The following CDHR5 variants were observed in gnomAD, a reference collection of about 807,000 sequenced individuals.
CDHR5 encodes the protein cadherin-related family member 5.
Under a neutral mutation model 69.5 loss-of-function variants are expected in CDHR5, and 82 were observed. The ratio of observed to expected loss-of-function variants is 1.18; its 90% CI spans 0.99 to 1.42. The LOEUF (loss-of-function observed/expected upper bound fraction) is 1.42. CDHR5 is among the 40% of genes most tolerant of loss of function. The probability of loss-of-function intolerance (pLI) is 0.00; values close to 1 mark genes in which losing one functional copy is unlikely to be tolerated. For missense variants in CDHR5, 1,293 were observed against 1,168.9 expected, an observed-to-expected ratio of 1.11 and a Z score of -1.55; for synonymous variants, 601 against 510.2, an observed-to-expected ratio of 1.18 and a Z score of -2.40.
chr11:623,845 G>A (rs1467217101), intron 3 of CDHR5, among the ~76,000 whole-genome samples: 2 of 152,074 alleles, frequency 1.3e-5, no homozygotes, highest in Non-Finnish European at 2.9e-5. Flanking sequence ...TTTCTGGGTC[G>A]AGCTGGGGCA....
In CDHR5 at chr11:617,023, C is replaced by T. The variant is rs768398033; in HGVS notation, c.*328G>A. 1.1e-5 allele frequency: 4 copies of T among 353,984 alleles called. No homozygotes were observed. The highest frequency in any genetic ancestry group is 4.7e-5 in the Admixed American group (1 of 21,198). The allele number at this position is 353,984 out of a possible 1,614,324, so 21.9% of individuals were successfully genotyped here. On this transcript the variant is annotated 3_prime_UTR_variant, in exon 15 of 15. Coordinates refer to ENST00000397542, the MANE Select transcript of CDHR5 (RefSeq NM_021924.5). ...CAGGTCGGGGGAGGGGAGCCCCCCT[C>T]GGGCTGTGGTTAGAGCGGGAGAGGA...
chr11:619,479 C>T lies in CDHR5; in HGVS notation c.1288G>A (p.Ala430Thr), dbSNP rs757912969. ...CCGCCTGCCCTGCCCCGCACCTCTG[C>T]GTAGAAGGCTCCCGCCTGTGCCAGT... ...TTLAQAGAFY[A>T]EVEAHNTVTS... Residue 430 changes from alanine (A) to threonine (T), a missense_variant, in exon 11 of 15, where the codon GCA becomes ACA. Transcript: ENST00000397542. 4.3e-6 allele frequency: 7 copies of T among 1,612,008 alleles called. No individual in the cohort carries two copies. The highest frequency in any genetic ancestry group is 2.2e-5 in the South Asian group (2 of 91,034).
chr11:624,618 G>C lies in CDHR5; in HGVS notation c.200C>G (p.Thr67Ser), dbSNP rs1382408754. 1 of 1,612,976 alleles carries C rather than the reference G, an allele frequency of 6.2e-7. No individual in the cohort carries two copies. The highest frequency in any genetic ancestry group is 2.2e-5 in the East Asian group (1 of 44,854). ...TCCCTGGATCCGAAATGCAAAGGGG[G>C]TGGACAAGGCTCCGAGGGTCACCTC... ...GQEVTLGALS[T>S]PFAFRIQGNQ... The change falls in exon 2 of 15, where the codon ACC becomes AGC. Residue 67 changes from threonine (T) to serine (S), a missense_variant. Physicochemically the swap from Thr to Ser is moderately conservative, Grantham distance 58 (BLOSUM62 1). Coordinates refer to ENST00000397542, the MANE Select transcript of CDHR5 (RefSeq NM_021924.5). This position sits in a 1 kb window ranked among gnomAD's most constrained non-coding sequence, Gnocchi z 5.3.
chr11:619,226 G>T, intron 12 of CDHR5, 46 bp from the exon 13 acceptor site: 1 of 1,468,230 alleles, frequency 6.8e-7, no homozygotes, highest in Non-Finnish European at 9.3e-7. Context: ...CCCGCCCCTT[G>T]CACACCTACC....
chr11:617,638 C>CG lies in CDHR5; in HGVS notation c.2250dup (p.Gly751ArgfsTer10), dbSNP rs779161504. The CG allele has an allele frequency of 3.8e-6, 6 of 1,565,436 alleles. No individual in the cohort carries two copies. Among genetic ancestry groups the CG allele is most frequent in the Non-Finnish European group, 5.2e-6 (6 of 1,157,592 alleles). On this transcript the variant is annotated frameshift_variant, in exon 15 of 15. Transcript: ENST00000397542. LOFTEE classifies it low-confidence loss of function (END_TRUNC). ...GGGGCACCGCCTGGGGAGGCAGGGC[C>CG]GGGGGGTGCGGGCTCTGCGGGCATC... is the stretch of plus-strand genomic sequence containing the variant.
At position 619,145 on chromosome 11, in the gene CDHR5, C is replaced by T; in HGVS notation, c.1414G>A (p.Gly472Arg). Reference sequence around the variant, plus strand: ...TCGGAAGTGGTGCTGGTCCAGGGCCCAGTTGTTCCTCCAGCCTCTGGGGAT... The same window carrying T: ...TCGGAAGTGGTGCTGGTCCAGGGCCTAGTTGTTCCTCCAGCCTCTGGGGAT... Reference protein sequence around the residue: ...PPSPEAGGTTGPWTSTTSEVP... With the variant: ...PPSPEAGGTTRPWTSTTSEVP... The change falls in exon 13 of 15, where the codon GGG becomes AGG. Residue 472 changes from glycine (G) to arginine (R), a missense_variant. Transcript: ENST00000397542. 2.5e-6 allele frequency: 4 copies of T among 1,571,588 alleles called. No homozygotes were observed. The highest frequency in any genetic ancestry group is 2.3e-5 in the South Asian group (2 of 86,802).
Position 624,871 on chromosome 11 carries a change from AG to A in CDHR5, c.31del (p.Leu11CysfsTer22). 1 of 1,577,818 alleles carries A rather than the reference AG, an allele frequency of 6.3e-7. No individual in the cohort carries two copies. The highest frequency in any genetic ancestry group is 1.1e-5 in the South Asian group (1 of 88,172). On this transcript the variant is annotated frameshift_variant, in exon 1 of 15. Coordinates refer to ENST00000397542, the MANE Select transcript of CDHR5 (RefSeq NM_021924.5). LOFTEE classifies it high-confidence loss of function. This position sits in a 1 kb window ranked among gnomAD's most constrained non-coding sequence, Gnocchi z 5.3. MGSWALLWPPLLFTGLLVRPP... is the reference protein window; with the variant it reads MGSWALLWPPXLFTGLLVRPP... ...TCGGACGAGCAGCCCGGTGAACAGC[AG>A]GGGAGGCCACAGCAGGGCCCAAGAC...
rs200682781 is a variant in CDHR5, at chr11:619,539, G to A, written c.1228C>T (p.Arg410Trp). The A allele has an allele frequency of 2.6e-5, 42 of 1,613,990 alleles. No homozygotes were observed. Among genetic ancestry groups the A allele is most frequent in the Middle Eastern group, 1.6e-4 (1 of 6,062 alleles). ...GTCAGCACAACCTCTCCCTCCATCC[G>A]GAAGTGTGAGTGGTTGGTAATTCGA... ...TYRITNHSHF[R>W]MEGEVVLTTT... The change falls in exon 11 of 15, where the codon CGG (arginine) becomes TGG (tryptophan). Residue 410 changes from arginine to tryptophan, a missense_variant. By Grantham distance (101) the Arg-to-Trp change is moderately radical. Transcript: ENST00000397542.
intron 3 of CDHR5, among the ~76,000 whole-genome samples, chr11:623,777 C>A (rs1277152135): frequency 5.3e-5 from 8 of 151,954 alleles, no homozygotes; most frequent in African/African-American, 1.9e-4. Context: ...CTGGAAGTTT[C>A]CCAAAATGAG....
chr11:618,064 C>T lies in CDHR5; in HGVS notation c.2008G>A (p.Ala670Thr). 6.2e-7 allele frequency: 1 copy of T among 1,610,514 alleles called. No individual in the cohort carries two copies. Among genetic ancestry groups the T allele is most frequent in the Non-Finnish European group, 8.5e-7 (1 of 1,178,972 alleles). The change falls in exon 14 of 15, where the codon GCC becomes ACC. Residue 670 changes from alanine (A) to threonine (T), a missense_variant. Ala to Thr is a moderately conservative substitution (Grantham distance 58, BLOSUM62 0). Coordinates refer to ENST00000397542, the MANE Select transcript of CDHR5 (RefSeq NM_021924.5). ...AGCGCACCCAGCACCCCGCCCAGGG[C>T]CGCCATATCCACCACCGAGAAGCGC... Reference protein sequence around the residue: ...DKRFSVVDMAALGGVLGALLL... With the variant: ...DKRFSVVDMATLGGVLGALLL...
chr11:619,654 AG>A (rs769576531), intron 10 of CDHR5, 26 bp downstream of exon 10: 5 of 1,611,574 alleles, frequency 3.1e-6, no homozygotes, highest in South Asian at 1.1e-5. Flanking sequence ...CCACCCACAG[AG>A]GGGAGGCCTT....
intron 3 of CDHR5, among the ~76,000 whole-genome samples, chr11:623,691 A>G (rs1857550178): frequency 6.6e-6 from 1 of 152,078 alleles, no homozygotes; most frequent in Non-Finnish European, 1.5e-5. Context: ...CTTGGTTTAC[A>G]ACATCCACAG....
rs757127495 is a variant in CDHR5, at chr11:620,342, G to A, written c.834C>T (p.Asp278=). The change falls in exon 8 of 15, where the codon GAC becomes GAT. Residue 278 remains aspartate (D), a synonymous_variant. Transcript: ENST00000397542. ...VLRPGPIYAE[D]GDRGINQPII... ...TGGGCTGGTTGATGCCGCGGTCTCC[G>A]TCCTCAGCGTAGATGGGTCCGGGAC... 19 of 1,612,644 alleles carry A rather than the reference G, an allele frequency of 1.2e-5. No individual in the cohort carries two copies. The highest frequency in any genetic ancestry group is 4.4e-5 in the South Asian group (4 of 90,894).
intron 9 of CDHR5, 89 bp downstream of exon 9, chr11:619,978 G>T (rs1270403535): frequency 3.6e-6 from 5 of 1,388,610 alleles, no homozygotes; most frequent in Middle Eastern, 2.5e-4. Context: ...CTTGGCGGGG[G>T]CCCTGCCCCG....
chr11:618,496 T>C, intron 13 of CDHR5, 103 bp downstream of exon 13: 1 of 1,377,096 alleles, frequency 7.3e-7, no homozygotes, highest in Non-Finnish European at 1.0e-6. Flanking sequence ...CTTTGGGATT[T>C]CATGGTCAGG....
At chr11:620,811 C>G (rs1371933241) in intron 7 of CDHR5, among the ~76,000 whole-genome samples, 1 of 152,028 alleles carries the variant, frequency 6.6e-6, no homozygotes, top group Non-Finnish European at 1.5e-5. Context: ...CTTAAGAGCT[C>G]CAGGGCCCCA....
chr11:624,458 G>A lies in CDHR5; in HGVS notation c.261+99C>T, dbSNP rs760138611. On this transcript the variant is annotated intron_variant, in intron 2 of 14. Transcript: ENST00000397542. This position sits in a 1 kb window ranked among gnomAD's most constrained non-coding sequence, Gnocchi z 5.3. Reference sequence around the variant, plus strand: ...CAAGCATGGGTGTCAGTGGATGCCCGCAGGCATAGAACTCCTAGGCCCCCA... The same window carrying A: ...CAAGCATGGGTGTCAGTGGATGCCCACAGGCATAGAACTCCTAGGCCCCCA... 23 of 1,252,448 alleles carry A rather than the reference G, an allele frequency of 1.8e-5. No homozygotes were observed. In the South Asian group the frequency reaches 1.9e-4, roughly 10 times the overall value. 77.6% of individuals were successfully genotyped at this position (1,252,448 alleles called of 1,614,324 possible).
chr11:620,393 G>T lies in CDHR5; in HGVS notation c.790-7C>A. 3.1e-6 allele frequency: 5 copies of T among 1,592,808 alleles called. No homozygotes were observed. Among genetic ancestry groups the T allele is most frequent in the Non-Finnish European group, 3.4e-6 (4 of 1,165,758 alleles). On this transcript the variant is annotated splice_polypyrimidine_tract_variant and splice_region_variant and intron_variant, in intron 7 of 14. Coordinates refer to ENST00000397542, the MANE Select transcript of CDHR5 (RefSeq NM_021924.5). Reference sequence around the variant, plus strand: ...GCAGGACGAGGGGAGATGGCTTCAGGGATGGCGGAAGGGAGGGCACGTCGT... The same window carrying T: ...GCAGGACGAGGGGAGATGGCTTCAGTGATGGCGGAAGGGAGGGCACGTCGT...
intron 14 of CDHR5, 45 bp from the exon 15 acceptor site, chr11:617,815 C>T: frequency 4.8e-6 from 7 of 1,459,150 alleles, no homozygotes; most frequent in East Asian, 2.5e-5. Flanking sequence ...TGGGTCTCTG[C>T]AGCCTTGGCC....
Sources: allele counts gnomAD v4.1 joint callset (sites outside exome capture counted in the v4.1 genomes callset), GRCh38; gene constraint gnomAD v4.1.1; non-coding constraint Gnocchi (gnomAD v3.1); transcripts MANE v1.5; gene names NCBI Gene and HGNC (gene_info 2026-07-23, HGNC 2026-07-21).